Variants in PPP6R2 observed in about 807,000 individuals in gnomAD.
The protein encoded by PPP6R2 is protein phosphatase 6 regulatory subunit 2, also known as serine/threonine-protein phosphatase 6 regulatory subunit 2.
In PPP6R2, 62 loss-of-function variants were observed where a neutral mutation model predicts 100.2. The ratio of observed to expected loss-of-function variants is 0.62; its 90% CI spans 0.50 to 0.76. The LOEUF (loss-of-function observed/expected upper bound fraction) is 0.76. Ranked by LOEUF, PPP6R2 falls within the 30% of genes least tolerant of loss-of-function variation. PPP6R2 has a pLI of 0.00. For synonymous variants in PPP6R2, 525 were observed against 514.7 expected (o/e 1.02, Z -0.27); for missense variants, 1,142 against 1,276.3 (o/e 0.89, Z 1.60).
Position 50,440,981 on chromosome 22 carries a change from C to A in PPP6R2, c.2534C>A (p.Ala845Asp), listed in dbSNP as rs776585873. The change falls in exon 22 of 24, where the codon GCC becomes GAC. Residue 845 changes from alanine (A) to aspartate (D), a missense_variant. Ala to Asp is a moderately radical substitution (Grantham distance 126, BLOSUM62 -2). Transcript: ENST00000612753. ...DAVSRGPGRE[A>D]PPLPTVARTE... Reference sequence around the variant, plus strand: ...GTGAGCAGGGGTCCCGGCCGGGAGGCCCCCCCGCTGCCCACAGTGGCCAGG... The same window carrying A: ...GTGAGCAGGGGTCCCGGCCGGGAGGACCCCCCGCTGCCCACAGTGGCCAGG... The A allele has an allele frequency of 5.0e-6, 8 of 1,609,188 alleles. No individual in the cohort carries two copies. The highest frequency in any genetic ancestry group is 5.9e-6 in the Non-Finnish European group (7 of 1,177,578).
chr22:50,414,702 G>A lies in PPP6R2; in HGVS notation c.552+13G>A, dbSNP rs757561155. 4.5e-6 allele frequency: 7 copies of A among 1,549,234 alleles called. No individual in the cohort carries two copies. The South Asian group carries it at 8.1e-5, about 18-fold the overall frequency. Reference sequence around the variant, plus strand: ...GGACGTCCTGCACGTGAGTGCGGGAGTCCCCCCCCGTTCCCGAGGGCAGGG... The same window carrying A: ...GGACGTCCTGCACGTGAGTGCGGGAATCCCCCCCCGTTCCCGAGGGCAGGG... On this transcript the variant is annotated intron_variant, in intron 5 of 23. Transcript: ENST00000612753.
At chr22:50,340,754 AC>A, upstream of PPP6R2, among the ~76,000 whole-genome samples, 1 of 151,956 alleles carries the variant, frequency 6.6e-6, no homozygotes, top group African/African-American at 2.4e-5. Flanking sequence ...GCAGCAGCCA[AC>A]GGCGGGAGGT....
chr22:50,443,920 AGTGACTGCTGCCCCAGCC>A lies in PPP6R2; in HGVS notation c.2638_2655del (p.Thr880_Val885del). 1 of 1,601,514 alleles carries A rather than the reference AGTGACTGCTGCCCCAGCC, an allele frequency of 6.2e-7. No homozygotes were observed. The highest frequency in any genetic ancestry group is 8.5e-7 in the Non-Finnish European group (1 of 1,174,400). On this transcript the variant is annotated inframe_deletion, in exon 23 of 24. Coordinates refer to ENST00000612753, the MANE Select transcript of PPP6R2 (RefSeq NM_001242898.2). ...GCCCTGCCTGCCCCGCGCCAAAGGA[AGTGACTGCTGCCCCAGCC>A]GTGGCTGTGCCCCCCGAGGCTACTG...
chr22:50,337,437 G>A, the PPP6R2 span, among the ~76,000 whole-genome samples: 5 of 130,038 alleles, frequency 3.8e-5, no homozygotes, highest in Middle Eastern at 5.4e-3. Flanking sequence ...GTGTGTGTGC[G>A]GTACGTGTGT....
At chr22:50,396,462 T>A (rs973496651) in intron 3 of PPP6R2, among the ~76,000 whole-genome samples, 5 of 142,602 alleles carry the variant, frequency 3.5e-5, no homozygotes, top group Non-Finnish European at 7.5e-5. Flanking sequence ...TCCACTGCAC[T>A]CCAGCCTGGG....
At chr22:50,399,974 A>G (rs1034558066) in intron 3 of PPP6R2, among the ~76,000 whole-genome samples, 3 of 152,274 alleles carry the variant, frequency 2.0e-5, no homozygotes, top group Non-Finnish European at 4.4e-5. Flanking sequence ...TTGAGAAATA[A>G]GACAGAAGAG....
At position 50,434,703 on chromosome 22, in the gene PPP6R2, G is replaced by A. The variant is rs1164585446; in HGVS notation, c.1401-263G>A. Among the ~76,000 whole-genome samples, 29 of 102,476 alleles carry A rather than the reference G, an allele frequency of 2.8e-4. 5 individuals carry two copies. Among genetic ancestry groups the A allele is most frequent in the Non-Finnish European group, 3.9e-4 (20 of 51,630 alleles). 67.2% of individuals were successfully genotyped at this position (102,476 alleles called of 152,430 possible). A position where few individuals can be genotyped will look rare whatever the true frequency, so the allele number is the denominator to read the frequency against. On this transcript the variant is annotated intron_variant, in intron 12 of 23. Coordinates refer to ENST00000612753, the MANE Select transcript of PPP6R2 (RefSeq NM_001242898.2). ...CTGGAGGTGAACCTGGAGGAGGGCC[G>A]GGTGCGCGGACACTGGGCAGGGGCC...
the PPP6R2 span, among the ~76,000 whole-genome samples, chr22:50,337,406 G>A: frequency 1.2e-3 from 169 of 135,262 alleles, 1 homozygote; most frequent in East Asian, 0.012. Flanking sequence ...GTGTGTGTGC[G>A]ATGTGTGGTG....
intron 1 of PPP6R2, among the ~76,000 whole-genome samples, chr22:50,367,998 AGG>A (rs763255736): frequency 3.9e-5 from 6 of 152,224 alleles, no homozygotes; most frequent in Non-Finnish European, 5.9e-5. Context: ...TCCACTGGAC[AGG>A]GGGCCGGCCC....
At chr22:50,429,285 C>T (rs1254712509) in intron 10 of PPP6R2, among the ~76,000 whole-genome samples, 2 of 152,100 alleles carry the variant, frequency 1.3e-5, no homozygotes, top group African/African-American at 4.8e-5. Context: ...CCCTCCTCGG[C>T]CTCCCAAAGT....
At chr22:50,393,567 G>T in intron 2 of PPP6R2, 1 of 980,062 alleles carries the variant, frequency 1.0e-6, no homozygotes, top group Non-Finnish European at 1.2e-6. Flanking sequence ...AAAGGAGGGG[G>T]TTAGCCCAGA....
Position 50,382,325 on chromosome 22 carries a change from A to G in PPP6R2, c.-17+10175A>G, listed in dbSNP as rs141071881. 2.1e-3 allele frequency among the ~76,000 whole-genome samples: 320 copies of G among 152,114 alleles called. No individual in the cohort carries two copies. In the Middle Eastern group the frequency reaches 0.024, roughly 11 times the overall value. ...TCTGGATAAAAAAGTCAAACAGGGCACGGTGGCTCATGCCTGTAATCCCAG... is the reference window on the plus strand; with the variant it reads ...TCTGGATAAAAAAGTCAAACAGGGCGCGGTGGCTCATGCCTGTAATCCCAG... On this transcript the variant is annotated intron_variant, in intron 2 of 23. Coordinates refer to ENST00000612753, the MANE Select transcript of PPP6R2 (RefSeq NM_001242898.2).
At chr22:50,358,846 G>T (rs1027053146) in intron 1 of PPP6R2, among the ~76,000 whole-genome samples, 2 of 151,916 alleles carry the variant, frequency 1.3e-5, no homozygotes, top group African/African-American at 2.4e-5. Flanking sequence ...TGGAACCTTT[G>T]TTATAAATTA....
chr22:50,397,694 G>C (rs1603188373), intron 3 of PPP6R2, among the ~76,000 whole-genome samples: 2 of 58,894 alleles, frequency 3.4e-5, no homozygotes, highest in Non-Finnish European at 6.1e-5. Context: ...GGGCAGGGGG[G>C]CCTGTCCTCA....
chr22:50,368,300 CAG>C (rs1234404240), intron 1 of PPP6R2, among the ~76,000 whole-genome samples: 1 of 152,140 alleles, frequency 6.6e-6, no homozygotes, highest in African/African-American at 2.4e-5. Context: ...GAAAGGGAGA[CAG>C]ACTCCCTTTC....
chr22:50,339,636 GGT>G (rs751686051), upstream of PPP6R2, among the ~76,000 whole-genome samples: 7 of 140,766 alleles, frequency 5.0e-5, no homozygotes, highest in South Asian at 4.7e-4. Context: ...TGTGTTATGT[GGT>G]GTGTGTGTAG....
intron 22 of PPP6R2, among the ~76,000 whole-genome samples, chr22:50,441,319 A>G (rs1569499028): frequency 2.6e-5 from 4 of 152,182 alleles, no homozygotes; most frequent in Non-Finnish European, 5.9e-5. Context: ...TGTCCCAGAC[A>G]GTCCCCCAGG....
chr22:50,342,313 C>T (rs2042493090), upstream of PPP6R2, among the ~76,000 whole-genome samples: 1 of 152,242 alleles, frequency 6.6e-6, no homozygotes, highest in Non-Finnish European at 1.5e-5. Flanking sequence ...AGAAATCTGC[C>T]CCTTAGGATG....
intron 10 of PPP6R2, among the ~76,000 whole-genome samples, chr22:50,427,600 TG>T (rs1172848353): frequency 6.6e-6 from 1 of 152,236 alleles, no homozygotes; most frequent in Admixed American, 6.5e-5. Flanking sequence ...TTGCCCAGGC[TG>T]GAGTGCAGTG....
Sources: gnomAD v4.1 joint callset for allele counts (sites outside exome capture counted in the v4.1 genomes callset) on GRCh38, gnomAD v4.1.1 for gene constraint, MANE v1.5 for transcripts, NCBI Gene and HGNC (gene_info 2026-07-23, HGNC 2026-07-21) for gene names.